ZFAND3: variants seen among roughly 807,000 people sequenced by gnomAD.
ZFAND3 encodes the protein zinc finger AN1-type containing 3.
ZFAND3 carries 10 observed loss-of-function variants against 29.6 expected under a neutral mutation model. The observed-to-expected ratio is 0.34, with a 90% confidence interval of 0.21 to 0.57. The LOEUF is 0.57. Ranked by LOEUF, ZFAND3 falls within the 20% of genes least tolerant of loss-of-function variation. The pLI is 0.86. For missense variants in ZFAND3, 230 were observed against 304.5 expected (o/e 0.76, Z 1.82); for synonymous variants, 128 against 112.6 (o/e 1.14, Z -0.87).
intron 2 of ZFAND3, among the ~76,000 whole-genome samples, chr6:37,936,319 A>G (rs1761696688): frequency 6.6e-6 from 1 of 152,228 alleles, no homozygotes; most frequent in South Asian, 2.1e-4. Flanking sequence ...AGAGAGGAGT[A>G]TGGTGACTAG....
intron 2 of ZFAND3, among the ~76,000 whole-genome samples, chr6:38,029,455 C>A (rs948224690): frequency 6.6e-6 from 1 of 152,130 alleles, no homozygotes; most frequent in Non-Finnish European, 1.5e-5. Flanking sequence ...GAAATGTCTT[C>A]CTTGTGATTT....
chr6:38,073,932 TATTTACTTAAATATTCAC>T (rs1174389595), intron 3 of ZFAND3, among the ~76,000 whole-genome samples: 1 of 152,240 alleles, frequency 6.6e-6, no homozygotes, highest in Non-Finnish European at 1.5e-5. Context: ...CCCTTACCTT[TATTTACTTAAATATTCAC>T]ATTTTGTTGA....
chr6:38,056,539 G>A (rs1360035400), intron 2 of ZFAND3, among the ~76,000 whole-genome samples: 1 of 152,190 alleles, frequency 6.6e-6, no homozygotes, highest in African/African-American at 2.4e-5. Context: ...ATTGCATAGT[G>A]GCTAGATAGG....
intron 5 of ZFAND3, among the ~76,000 whole-genome samples, chr6:38,118,091 C>T (rs1765456069): frequency 1.3e-5 from 2 of 152,224 alleles, no homozygotes; most frequent in South Asian, 2.1e-4. Flanking sequence ...TTTGGGAAAC[C>T]GTAAAGAGGG....
intron 2 of ZFAND3, among the ~76,000 whole-genome samples, chr6:38,021,433 T>G (rs1763346922): frequency 6.6e-6 from 1 of 152,172 alleles, no homozygotes; most frequent in African/African-American, 2.4e-5. Context: ...TTTTTTTCCC[T>G]TGATAAAACC....
chr6:37,983,205 AC>A (rs1344946588), intron 2 of ZFAND3, among the ~76,000 whole-genome samples: 13 of 152,196 alleles, frequency 8.5e-5, no homozygotes, highest in African/African-American at 3.1e-4. Context: ...AATTTGGTGT[AC>A]CATGTGTACC....
chr6:37,891,010 T>TA (rs1765087248), intron 1 of ZFAND3, among the ~76,000 whole-genome samples: 1 of 152,190 alleles, frequency 6.6e-6, no homozygotes, highest in African/African-American at 2.4e-5. Context: ...GTCAAAGCGT[T>TA]ATAGTAACTA....
intron 2 of ZFAND3, among the ~76,000 whole-genome samples, chr6:38,040,007 A>G (rs1286459838): frequency 6.6e-6 from 1 of 152,144 alleles, no homozygotes; most frequent in Non-Finnish European, 1.5e-5. Flanking sequence ...AAACTTATGC[A>G]TCTCTTGAGA....
chr6:38,031,446 C>A (rs939232291), intron 2 of ZFAND3, among the ~76,000 whole-genome samples: 1 of 152,190 alleles, frequency 6.6e-6, no homozygotes, highest in Non-Finnish European at 1.5e-5. Context: ...CTTTGCCCTT[C>A]GGGAAACAAC....
At chr6:38,125,848 T>C (rs972070606) in intron 5 of ZFAND3, among the ~76,000 whole-genome samples, 3 of 152,238 alleles carry the variant, frequency 2.0e-5, no homozygotes, top group African/African-American at 7.2e-5. Flanking sequence ...ATAATTTACG[T>C]ACCATAAAAT....
chr6:38,038,763 T>C (rs898843269), intron 2 of ZFAND3, among the ~76,000 whole-genome samples: 1 of 152,174 alleles, frequency 6.6e-6, no homozygotes, highest in Non-Finnish European at 1.5e-5. Flanking sequence ...ATAACTTTAG[T>C]CTTCAGATGT....
intron 4 of ZFAND3, among the ~76,000 whole-genome samples, chr6:38,108,400 A>G (rs1291920963): frequency 6.6e-6 from 1 of 152,204 alleles, no homozygotes; most frequent in Non-Finnish European, 1.5e-5. Flanking sequence ...AAGCTGGGGA[A>G]TAGAGAAGCC....
rs183698969 is a variant in ZFAND3 at position 37,909,731 on chromosome 6, G to A, written c.72-20228G>A. Among the ~76,000 whole-genome samples, 259 of 151,216 alleles carry A rather than the reference G, an allele frequency of 1.7e-3. 4 individuals are homozygous for A. The highest frequency in any genetic ancestry group is 1.9e-3 in the East Asian group (10 of 5,134). On this transcript the variant is annotated intron_variant, in intron 1 of 5. Transcript: ENST00000287218. Reference sequence around the variant, plus strand: ...CTATAGTTGTGCTGATTAATCATGGGTAGAATCTCAAAATGTTACATTCAA... The same window carrying A: ...CTATAGTTGTGCTGATTAATCATGGATAGAATCTCAAAATGTTACATTCAA...
At chr6:37,827,907 C>T (rs980489695) in intron 1 of ZFAND3, among the ~76,000 whole-genome samples, 3 of 152,210 alleles carry the variant, frequency 2.0e-5, no homozygotes, top group African/African-American at 4.8e-5. Flanking sequence ...CACACCAGAG[C>T]ATTTTGTTTC....
chr6:38,140,021 G>A (rs1427387505), intron 5 of ZFAND3, among the ~76,000 whole-genome samples: 1 of 152,234 alleles, frequency 6.6e-6, no homozygotes, highest in African/African-American at 2.4e-5. Flanking sequence ...AGGTATCAGT[G>A]ATGACTCCAG....
At chr6:37,893,712 C>T (rs999611299) in intron 1 of ZFAND3, among the ~76,000 whole-genome samples, 6 of 152,044 alleles carry the variant, frequency 3.9e-5, no homozygotes, top group Non-Finnish European at 8.8e-5. Flanking sequence ...TGCCACAATG[C>T]CCAGCTGATT....
At chr6:37,974,914 G>A (rs1762454384) in intron 2 of ZFAND3, among the ~76,000 whole-genome samples, 1 of 152,118 alleles carries the variant, frequency 6.6e-6, no homozygotes, top group Admixed American at 6.5e-5. Flanking sequence ...CTCCCAAGTA[G>A]GTAGGAATAT....
intron 1 of ZFAND3, among the ~76,000 whole-genome samples, chr6:37,925,048 T>C (rs1475813936): frequency 6.6e-6 from 1 of 151,886 alleles, no homozygotes; most frequent in African/African-American, 2.4e-5. Flanking sequence ...GAAGTAGGCA[T>C]AGTCAGATCA....
intron 1 of ZFAND3, among the ~76,000 whole-genome samples, chr6:37,843,019 G>A (rs1455078241): frequency 6.6e-6 from 1 of 151,928 alleles, no homozygotes; most frequent in African/African-American, 2.4e-5. Context: ...CTGCTCAGGA[G>A]GTTGAGGCAC....
Sources: gnomAD v4.1 joint callset for allele counts (sites outside exome capture counted in the v4.1 genomes callset) on GRCh38, gnomAD v4.1.1 for gene constraint, MANE v1.5 for transcripts, NCBI Gene and HGNC (gene_info 2026-07-23, HGNC 2026-07-21) for gene names.